Variants in MYH11 observed in about 807,000 individuals in gnomAD.
MYH11 encodes the protein myosin-11.
Under a neutral mutation model 246.6 loss-of-function variants are expected in MYH11, and 80 were observed. The ratio of observed to expected loss-of-function variants is 0.32; its 90% CI spans 0.27 to 0.39. MYH11 has a LOEUF of 0.39. Ranked by LOEUF, MYH11 falls within the 10% of genes least tolerant of loss-of-function variation. The pLI, the probability that MYH11 is intolerant of heterozygous loss-of-function variation, is 1.00. For missense variants in MYH11, 2,158 were observed against 2,546.8 expected, an observed-to-expected ratio of 0.85 and a Z score of 3.29; for synonymous variants, 1,071 against 1,015.5, an observed-to-expected ratio of 1.05 and a Z score of -1.04.
intron 1 of MYH11, among the ~76,000 whole-genome samples, chr16:15,838,940 G>A (rs932109873): frequency 2.0e-5 from 3 of 151,570 alleles, no homozygotes; most frequent in South Asian, 2.1e-4. Context: ...CTAACTGTGC[G>A]CTGCAAAATA....
intron 10 of MYH11, 55 bp downstream of exon 10, chr16:15,763,741 T>TGGGCCCCCCC: frequency 1.2e-5 from 8 of 646,844 alleles, no homozygotes; most frequent in East Asian, 3.2e-5. Context: ...AAATGTCACC[T>TGGGCCCCCCC]CCCCCACCCC....
rs150924100 is a variant in MYH11, at chr16:15,750,147, G to A, written c.2049C>T (p.His683=). ...GGGCGGCGGGCCTCACCCTCTTCTC[G>A]TGGTTGGGGATGATGCAGCGCACGA... ...PNFVRCIIPN[H]EKRSGKLDAF... is the part of the protein sequence containing the mutation. The change falls in exon 16 of 41, where the codon CAC becomes CAT. Residue 683 remains histidine (H), a synonymous_variant. Transcript: ENST00000300036. This position sits in a 1 kb window ranked among gnomAD's most constrained non-coding sequence, Gnocchi z 4.3. The A allele has an allele frequency of 6.5e-4, 1,043 of 1,614,200 alleles. 3 individuals carry two copies. The highest frequency in any genetic ancestry group is 7.9e-4 in the Non-Finnish European group (936 of 1,180,024).
chr16:15,801,895 T>A (rs2042895976), intron 3 of MYH11, among the ~76,000 whole-genome samples: 1 of 151,992 alleles, frequency 6.6e-6, no homozygotes, highest in South Asian at 2.1e-4. Context: ...AGGTGGAGGT[T>A]GCAGTGAGGT....
intron 40 of MYH11, among the ~76,000 whole-genome samples, chr16:15,706,773 C>A (rs974825638): frequency 6.6e-5 from 10 of 152,068 alleles, no homozygotes; most frequent in Admixed American, 1.3e-4. Context: ...GTGCTCTAGG[C>A]ACTCTCTTTT....
intron 7 of MYH11, among the ~76,000 whole-genome samples, chr16:15,777,097 G>GCAGACATATACA (rs750248562): frequency 2.1e-5 from 3 of 145,550 alleles, no homozygotes; most frequent in South Asian, 4.3e-4. Context: ...GTATACACAC[G>GCAGACATATACA]CACACATACA....
Position 15,720,913 on chromosome 16 carries a change from T to C in MYH11, c.4717A>G (p.Lys1573Glu), listed in dbSNP as rs151101824. 1.2e-5 allele frequency: 19 copies of C among 1,613,838 alleles called. No homozygotes were observed. The East Asian group carries it at 3.6e-4, about 30-fold the overall frequency. Residue 1573 changes from lysine to glutamate, a missense_variant, in exon 33 of 41, where the codon AAG becomes GAG. Lys to Glu is a moderately conservative substitution (Grantham distance 56). Transcript: ENST00000300036. ...LRLEVNMQAL[K>E]GQFERDLQAR... ...TGGAGATCCCTTTCGAACTGGCCCT[T>C]GAGCGCCTGCATGTTGACTTCCAGC...
At chr16:15,809,495 C>G (rs2043090829) in intron 3 of MYH11, among the ~76,000 whole-genome samples, 1 of 151,892 alleles carries the variant, frequency 6.6e-6, no homozygotes, top group African/African-American at 2.4e-5. Flanking sequence ...GTGTGCCACT[C>G]CACTCCAGCC....
At chr16:15,795,062 G>C (rs2042712587) in intron 4 of MYH11, among the ~76,000 whole-genome samples, 1 of 152,146 alleles carries the variant, frequency 6.6e-6, no homozygotes, top group Admixed American at 6.5e-5. Flanking sequence ...CCAGCACTTT[G>C]GGAGGCTGAC....
At chr16:15,813,466 TC>T (rs2043186675) in intron 3 of MYH11, among the ~76,000 whole-genome samples, 2 of 152,154 alleles carry the variant, frequency 1.3e-5, no homozygotes, top group South Asian at 4.1e-4. Flanking sequence ...AAATTCCTAA[TC>T]TGGTCCTGTC....
chr16:15,704,085 G>T lies in MYH11; in HGVS notation c.5825C>A (p.Ser1942Tyr). 4 of 1,614,102 alleles carry T rather than the reference G, an allele frequency of 2.5e-6. No individual in the cohort carries two copies. Among genetic ancestry groups the T allele is most frequent in the Non-Finnish European group, 3.4e-6 (4 of 1,180,018 alleles). ...NETSFVPSRR[S>Y]GGRRVIENAD... ...ATTTTCAATAACTCTACGTCCTCCA[G>T]ACCTTCTAGAAGGAACGAAAGAGGT... The change falls in exon 41 of 41, where the codon TCT becomes TAT. Residue 1942 changes from serine (S) to tyrosine (Y), a missense_variant. By Grantham distance (144) the Ser-to-Tyr change is moderately radical (BLOSUM62 -2). Coordinates refer to ENST00000300036, the MANE Select transcript of MYH11 (RefSeq NM_002474.3).
intron 4 of MYH11, among the ~76,000 whole-genome samples, chr16:15,790,056 G>A (rs1179275769): frequency 6.6e-6 from 1 of 152,194 alleles, no homozygotes; most frequent in Non-Finnish European, 1.5e-5. Flanking sequence ...TGTCATCCCG[G>A]TACTTTGGGA....
chr16:15,812,151 C>T (rs1039780642), intron 3 of MYH11, among the ~76,000 whole-genome samples: 7 of 152,176 alleles, frequency 4.6e-5, no homozygotes, highest in East Asian at 1.9e-4. Context: ...GTGTCACCGA[C>T]TGACCAGCAG....
intron 27 of MYH11, chr16:15,732,362 A>G (rs941914040): frequency 2.2e-5 from 16 of 734,970 alleles, no homozygotes; most frequent in Non-Finnish European, 3.4e-5. Flanking sequence ...AGCCTCCCCA[A>G]GTACTGGGAT....
At position 15,786,717 on chromosome 16, in the gene MYH11, G is replaced by A. The variant is rs113577450; in HGVS notation, c.546C>T (p.Ala182=). Residue 182 remains alanine, a synonymous_variant, in exon 5 of 41, where the codon GCC becomes GCT. Transcript: ENST00000300036. The stretch of plus-strand genomic sequence containing the variant: ...CCTTCTTGGTGTTTTCGGTTTTCCC[G>A]GCTCCAGACTCGCCTCTGAAAGACA... ...QSILCTGESG[A]GKTENTKKVI... The A allele has an allele frequency of 1.0e-4, 164 of 1,613,958 alleles. No individual in the cohort carries two copies. Among genetic ancestry groups the A allele is most frequent in the Middle Eastern group, 1.7e-4 (1 of 6,060 alleles).
chr16:15,786,812 A>G (rs1305742431), intron 4 of MYH11, 80 bp from the exon 5 acceptor site: 9 of 1,246,098 alleles, frequency 7.2e-6, no homozygotes, highest in South Asian at 3.8e-5. Flanking sequence ...CAGGACAATA[A>G]TGATCATCAC....
At chr16:15,716,142 T>G (rs2040120396) in intron 38 of MYH11, among the ~76,000 whole-genome samples, 1 of 151,950 alleles carries the variant, frequency 6.6e-6, no homozygotes, top group Non-Finnish European at 1.5e-5. Flanking sequence ...CTGCCCAGAC[T>G]GGTCTCGAAC....
intron 11 of MYH11, among the ~76,000 whole-genome samples, chr16:15,760,168 G>T (rs1025565408): frequency 6.6e-6 from 1 of 152,082 alleles, no homozygotes; most frequent in African/African-American, 2.4e-5. Flanking sequence ...AATAAATGAG[G>T]GATAAAGAGA....
intron 3 of MYH11, among the ~76,000 whole-genome samples, chr16:15,812,551 TAAAAAAAAAAAAAAAAAAA>T (rs71134466): frequency 3.2e-4 from 12 of 37,402 alleles, no homozygotes; most frequent in Non-Finnish European, 4.4e-4. Context: ...ATCTTATCTC[TAAAAAAAAAAAAAAAAAAA>T]AAAAAAAAAA....
At chr16:15,781,887 G>A (rs34504572) in intron 6 of MYH11, among the ~76,000 whole-genome samples, 3,957 of 152,294 alleles carry the variant, frequency 0.026, 75 homozygotes, top group East Asian at 0.13. Context: ...ATGTAAAAGT[G>A]CCTACCAGAG....
Sources: gnomAD v4.1 joint callset for allele counts (sites outside exome capture counted in the v4.1 genomes callset) on GRCh38, gnomAD v4.1.1 for gene constraint, Gnocchi (gnomAD v3.1) non-coding constraint, MANE v1.5 for transcripts, NCBI Gene and HGNC (gene_info 2026-07-23, HGNC 2026-07-21) for gene names.